The following CFAP77 variants were observed in gnomAD, a reference collection of about 807,000 sequenced individuals.
CFAP77 encodes the protein cilia and flagella associated protein 77.
CFAP77 carries 25 observed loss-of-function variants against 31.1 expected under a neutral mutation model. The observed-to-expected ratio is 0.80, with a 90% CI of 0.59 to 1.12. The LOEUF is 1.12. Ranked by LOEUF, CFAP77 falls within the 50% of genes most tolerant of loss-of-function variation. The pLI is 0.00. For missense variants in CFAP77, 377 were observed against 397.3 expected (o/e 0.95, Z 0.44); for synonymous variants, 151 against 159.9 (o/e 0.94, Z 0.42).
Position 132,572,751 on chromosome 9 carries a change from T to C in CFAP77, c.*241T>C, listed in dbSNP as rs541792310. On this transcript the variant is annotated 3_prime_UTR_variant, in exon 6 of 6. Transcript: ENST00000393216. The stretch of plus-strand genomic sequence containing the variant: ...TGGAGCCTCCTCCTCTCCTCCTCCT[T>C]CTCCTCCTAGGGCAGGCTCACCCTG... The C allele has an allele frequency of 2.5e-5, 13 of 521,770 alleles. No homozygotes were observed. Among genetic ancestry groups the C allele is most frequent in the South Asian group, 1.1e-4 (4 of 37,330 alleles). The allele number at this position is 521,770 out of a possible 1,614,324, so 32.3% of individuals were successfully genotyped here.
At chr9:132,437,824 T>C (rs993973935) in intron 1 of CFAP77, among the ~76,000 whole-genome samples, 17 of 151,380 alleles carry the variant, frequency 1.1e-4, no homozygotes, top group African/African-American at 3.6e-4. Flanking sequence ...TTTTGCATTT[T>C]AGAGAGATCA....
At position 132,504,969 on chromosome 9, in the gene CFAP77, C is replaced by A. The variant is rs370098582; in HGVS notation, c.524+5369C>A. 1.1e-4 allele frequency among the ~76,000 whole-genome samples: 17 copies of A among 152,312 alleles called. No homozygotes were observed. In the South Asian group the frequency reaches 1.7e-3, roughly 15 times the overall value. On this transcript the variant is annotated intron_variant, in intron 3 of 5. Transcript: ENST00000393216. The stretch of plus-strand genomic sequence containing the variant: ...TAAAAGCATGTTAAAACACCAAATC[C>A]GATTACACCCGACAGAGGAGGTGTT...
chr9:132,481,220 G>A lies in CFAP77; in HGVS notation c.196-17475G>A, dbSNP rs1851441424. On this transcript the variant is annotated intron_variant, in intron 1 of 5. Transcript: ENST00000393216. This position sits in a 1 kb window ranked among gnomAD's most constrained non-coding sequence, Gnocchi z 5.0. Reference sequence around the variant, plus strand: ...GAGCTCTCTGGGCCCAAGACTCCCTGCCGCGCTGCTAGACGCTTCAGCCCT... The same window carrying A: ...GAGCTCTCTGGGCCCAAGACTCCCTACCGCGCTGCTAGACGCTTCAGCCCT... Among the ~76,000 whole-genome samples, 1 of 152,234 alleles carries A rather than the reference G, an allele frequency of 6.6e-6. No homozygotes were observed. The highest frequency in any genetic ancestry group is 2.4e-5 in the African/African-American group (1 of 41,544).
chr9:132,486,934 C>G (rs1411543267), intron 1 of CFAP77, among the ~76,000 whole-genome samples: 2 of 152,254 alleles, frequency 1.3e-5, no homozygotes, highest in Non-Finnish European at 2.9e-5. Context: ...AGCAGGCAGC[C>G]GGAAGGGAGG....
At chr9:132,446,666 A>G (rs537661354) in intron 1 of CFAP77, among the ~76,000 whole-genome samples, 11 of 149,210 alleles carry the variant, frequency 7.4e-5, no homozygotes, top group African/African-American at 2.2e-4. Context: ...GTGTGAACCC[A>G]GGAGGCGGAG....
intron 5 of CFAP77, among the ~76,000 whole-genome samples, chr9:132,558,761 C>T (rs542265255): frequency 6.6e-6 from 1 of 151,182 alleles, no homozygotes; most frequent in Non-Finnish European, 1.5e-5. Flanking sequence ...GTCTGTAATC[C>T]CAGCACTTTG....
At chr9:132,530,136 C>CTTTTTTTTTTTTT (rs750962954) in intron 3 of CFAP77, among the ~76,000 whole-genome samples, 1,291 of 92,972 alleles carry the variant, frequency 0.014, no homozygotes, top group Non-Finnish European at 0.016. Flanking sequence ...TCTTTCTTTT[C>CTTTTTTTTTTTTT]TTTTTTTTTT....
intron 1 of CFAP77, among the ~76,000 whole-genome samples, chr9:132,485,984 TCA>T: frequency 1.4e-5 from 1 of 73,234 alleles, no homozygotes; most frequent in Non-Finnish European, 2.7e-5. Context: ...AACACACACC[TCA>T]TATATATATA....
Position 132,457,317 on chromosome 9 carries a change from C to A in CFAP77, c.196-41378C>A, listed in dbSNP as rs4998349. 2.6e-4 allele frequency among the ~76,000 whole-genome samples: 19 copies of A among 73,098 alleles called. No individual in the cohort carries two copies. The East Asian group carries it at 6.5e-3, about 25-fold the overall frequency. 48.0% of individuals were successfully genotyped at this position (73,098 alleles called of 152,430 possible). A position where few individuals can be genotyped will look rare whatever the true frequency, so the allele number is the denominator to read the frequency against. On this transcript the variant is annotated intron_variant, in intron 1 of 5. Coordinates refer to ENST00000393216, the MANE Select transcript of CFAP77 (RefSeq NM_001282957.2). ...TAAGACGGGGACGGGGGTGGGGGGG[C>A]GGGGGGAGAAAGGATTAAAATCGAG...
chr9:132,566,816 C>G (rs1485141054), intron 5 of CFAP77, among the ~76,000 whole-genome samples: 2 of 152,180 alleles, frequency 1.3e-5, no homozygotes, highest in Non-Finnish European at 2.9e-5. Flanking sequence ...CCTGTTCTCT[C>G]CCTTCCCACC....
chr9:132,506,475 G>A (rs1007328491), intron 3 of CFAP77, among the ~76,000 whole-genome samples: 1 of 151,950 alleles, frequency 6.6e-6, no homozygotes, highest in African/African-American at 2.4e-5. Flanking sequence ...GGGAGGGCCC[G>A]GCAGCAGCTG....
chr9:132,414,046 T>C (rs918146825), intron 1 of CFAP77, among the ~76,000 whole-genome samples: 1 of 152,224 alleles, frequency 6.6e-6, no homozygotes, highest in Non-Finnish European at 1.5e-5. Flanking sequence ...GGTGGCAGAA[T>C]TGGGATGAGA....
chr9:132,502,584 G>C (rs940416411), intron 3 of CFAP77, among the ~76,000 whole-genome samples: 1 of 152,056 alleles, frequency 6.6e-6, no homozygotes. Context: ...ACAATGTTTG[G>C]CTTTTTGTGT....
intron 1 of CFAP77, among the ~76,000 whole-genome samples, chr9:132,433,955 A>C (rs1850459442): frequency 1.3e-5 from 2 of 149,062 alleles, no homozygotes; most frequent in Non-Finnish European, 3.0e-5. Flanking sequence ...TGGGCAACAT[A>C]GGGAGACCCC....
At chr9:132,526,475 G>A (rs554206818) in intron 3 of CFAP77, among the ~76,000 whole-genome samples, 186 of 151,904 alleles carry the variant, frequency 1.2e-3, no homozygotes, top group African/African-American at 4.1e-3. Context: ...TTCGTGATCC[G>A]TCCGCCTCGG....
intron 1 of CFAP77, among the ~76,000 whole-genome samples, chr9:132,454,590 T>TA (rs1400311429): frequency 6.6e-5 from 10 of 152,346 alleles, no homozygotes; most frequent in Non-Finnish European, 1.0e-4. Flanking sequence ...TCACATTTTT[T>TA]ACCAATTGAG....
At chr9:132,526,605 A>G (rs1564241258) in intron 3 of CFAP77, among the ~76,000 whole-genome samples, 1 of 132,212 alleles carries the variant, frequency 7.6e-6, no homozygotes, top group Non-Finnish European at 1.7e-5. Context: ...ATAGACAGCT[A>G]GCAAGACTAA....
chr9:132,463,111 G>T (rs972928289), intron 1 of CFAP77, among the ~76,000 whole-genome samples: 1 of 152,160 alleles, frequency 6.6e-6, no homozygotes, highest in Non-Finnish European at 1.5e-5. Flanking sequence ...GGAGGAAAGG[G>T]TGCCTGGGCG....
Position 132,517,838 on chromosome 9 carries a change from G to A in CFAP77, c.524+18238G>A, listed in dbSNP as rs1369754566. 4.6e-5 allele frequency among the ~76,000 whole-genome samples: 7 copies of A among 152,132 alleles called. No individual in the cohort carries two copies. The highest frequency in any genetic ancestry group is 3.3e-4 in the Admixed American group (5 of 15,282). On this transcript the variant is annotated intron_variant, in intron 3 of 5. Coordinates refer to ENST00000393216, the MANE Select transcript of CFAP77 (RefSeq NM_001282957.2). The surrounding 1 kb of genome is among the most constrained non-coding windows in gnomAD (Gnocchi z 4.7). ...CCTGCACATCCCCTGTGCCTGCATC[G>A]GAGATCAACCCCTGGTCTGGGGTAT...
Sources: gnomAD v4.1 joint callset for allele counts (sites outside exome capture counted in the v4.1 genomes callset) on GRCh38, gnomAD v4.1.1 for gene constraint, Gnocchi (gnomAD v3.1) non-coding constraint, MANE v1.5 for transcripts, NCBI Gene and HGNC (gene_info 2026-07-23, HGNC 2026-07-21) for gene names.